ADGRF3: variants seen among roughly 807,000 people sequenced by gnomAD.
ADGRF3 encodes the protein adhesion G protein-coupled receptor F3.
ADGRF3 carries 85 observed loss-of-function variants against 93.2 expected under a neutral mutation model. The ratio of observed to expected loss-of-function variants is 0.91; its 90% CI spans 0.77 to 1.09. The LOEUF (loss-of-function observed/expected upper bound fraction) is 1.09. Ranked by LOEUF, ADGRF3 falls within the 50% of genes least tolerant of loss-of-function variation. The pLI, the probability that ADGRF3 is intolerant of heterozygous loss-of-function variation, is 0.00. For synonymous variants in ADGRF3, 534 were observed against 532.5 expected (o/e 1.00, Z -0.04); for missense variants, 1,125 against 1,246.2 (o/e 0.90, Z 1.46).
rs144749880 is a variant in ADGRF3, at chr2:26,336,587, G to A, written c.114+9534C>T. 6.7e-3 allele frequency among the ~76,000 whole-genome samples: 1,024 copies of A among 151,952 alleles called. 15 individuals carry two copies. Among genetic ancestry groups the A allele is most frequent in the African/African-American group, 0.023 (955 of 41,424 alleles). On this transcript the variant is annotated intron_variant, in intron 1 of 13. Coordinates refer to ENST00000651242, the MANE Select transcript of ADGRF3 (RefSeq NM_001321971.2). ...CTAAAAATACAAAAATTAGCTGGGC[G>A]TGGTGGCAAGTGCCTGTAGTCCCAG...
Position 26,311,808 on chromosome 2 carries a change from G to T in ADGRF3, c.1716C>A (p.His572Gln), listed in dbSNP as rs759945209. 1.2e-6 allele frequency: 2 copies of T among 1,613,804 alleles called. No individual in the cohort carries two copies. Among genetic ancestry groups the T allele is most frequent in the African/African-American group, 2.7e-5 (2 of 74,938 alleles). Residue 572 changes from histidine to glutamine, a missense_variant, in exon 10 of 14, where the codon CAC becomes CAA. His to Gln is a conservative substitution (Grantham distance 24). Coordinates refer to ENST00000651242, the MANE Select transcript of ADGRF3 (RefSeq NM_001321971.2). Reference sequence around the variant, plus strand: ...CATTACGGACCAATGGGGCCAGTGAGTGCCTGGGAATCTGAGCCTGCAGTG... The same window carrying T: ...CATTACGGACCAATGGGGCCAGTGATTGCCTGGGAATCTGAGCCTGCAGTG... The part of the protein sequence containing the change: ...RPPLQAQIPR[H>Q]SLAPLVRNGT...
At position 26,341,470 on chromosome 2, in the gene ADGRF3, G is replaced by A. The variant is rs72852713; in HGVS notation, c.114+4651C>T. 7.4e-3 allele frequency among the ~76,000 whole-genome samples: 1,123 copies of A among 152,172 alleles called. 14 individuals are homozygous for A. The highest frequency in any genetic ancestry group is 0.025 in the African/African-American group (1,056 of 41,518). On this transcript the variant is annotated intron_variant, in intron 1 of 13. Coordinates refer to ENST00000651242, the MANE Select transcript of ADGRF3 (RefSeq NM_001321971.2). ...TCCCCCAGCAACATAGGAAGTAGGA[G>A]GTATTAGCTTACGCTGAATCTCATT...
intron 10 of ADGRF3, 23 bp downstream of exon 10, chr2:26,310,669 A>T (rs144189516): frequency 1.4e-5 from 22 of 1,596,042 alleles, no homozygotes; most frequent in Middle Eastern, 3.3e-4. Context: ...AGCAAAAAAC[A>T]CAGCCACCCC....
Position 26,338,997 on chromosome 2 carries a change from G to A in ADGRF3, c.114+7124C>T, listed in dbSNP as rs61408866. On this transcript the variant is annotated intron_variant, in intron 1 of 13. Transcript: ENST00000651242. ...CTAAAAATACAAAAATTGGTGGTGT[G>A]CACCTGTAGTCACAGGCTGAAGCAG... Among the ~76,000 whole-genome samples, 751 of 151,012 alleles carry A rather than the reference G, an allele frequency of 5.0e-3. 8 individuals are homozygous for A. The highest frequency in any genetic ancestry group is 0.017 in the African/African-American group (704 of 41,152).
intron 1 of ADGRF3, among the ~76,000 whole-genome samples, chr2:26,325,532 T>C (rs749024732): frequency 5.3e-5 from 8 of 152,144 alleles, no homozygotes; most frequent in Non-Finnish European, 1.0e-4. Context: ...GCGTTTATAT[T>C]AAAGCTATGT....
intron 1 of ADGRF3, among the ~76,000 whole-genome samples, chr2:26,327,610 G>C (rs1230074690): frequency 2.7e-5 from 4 of 150,738 alleles, no homozygotes; most frequent in Non-Finnish European, 5.9e-5. Context: ...AGAAGTCCAA[G>C]GTTGAGGGGC....
At chr2:26,343,706 G>A (rs193068205) in intron 1 of ADGRF3, among the ~76,000 whole-genome samples, 2,098 of 152,360 alleles carry the variant, frequency 0.014, 21 homozygotes, top group Admixed American at 0.022. Flanking sequence ...GCCTTCCAAA[G>A]TGCTGGGATT....
At chr2:26,313,156 A>G (rs1249507203) in intron 8 of ADGRF3, 34 bp from the exon 9 acceptor site, 2 of 1,610,306 alleles carry the variant, frequency 1.2e-6, no homozygotes, top group African/African-American at 1.3e-5. Flanking sequence ...AGTGGGACAC[A>G]TGGTGGAATG....
intron 12 of ADGRF3, 76 bp from the exon 13 acceptor site, chr2:26,309,657 GTT>G: frequency 6.4e-7 from 1 of 1,554,448 alleles, no homozygotes. Context: ...GGTTGTATCT[GTT>G]TTACTTTCTC....
At chr2:26,309,248 A>T in intron 13 of ADGRF3, 141 bp from the exon 14 acceptor site, 1 of 1,589,962 alleles carries the variant, frequency 6.3e-7, no homozygotes. Flanking sequence ...TAATGTGAAA[A>T]GGAATTTTCA....
Position 26,310,769 on chromosome 2 carries a change from C to G in ADGRF3, c.2755G>C (p.Gly919Arg). Residue 919 changes from glycine to arginine, a missense_variant, in exon 10 of 14, where the codon GGG becomes CGG. Physicochemically the swap from Gly to Arg is moderately radical, Grantham distance 125 (BLOSUM62 -2). Coordinates refer to ENST00000651242, the MANE Select transcript of ADGRF3 (RefSeq NM_001321971.2). ...ILTPIFGLTWGLGLATLLEEV... is the reference protein window; with the variant it reads ...ILTPIFGLTWRLGLATLLEEV... ...TCTAACAGAGTGGCCAGGCCCAGCCCCCAGGTGAGGCCAAAGATGGGTGTA... is the reference window on the plus strand; with the variant it reads ...TCTAACAGAGTGGCCAGGCCCAGCCGCCAGGTGAGGCCAAAGATGGGTGTA... The G allele has an allele frequency of 1.2e-6, 2 of 1,613,568 alleles. No individual in the cohort carries two copies. The highest frequency in any genetic ancestry group is 2.2e-5 in the South Asian group (2 of 90,998).
intron 9 of ADGRF3, among the ~76,000 whole-genome samples, chr2:26,312,720 C>T (rs1674290189): frequency 6.6e-6 from 1 of 152,250 alleles, no homozygotes; most frequent in Non-Finnish European, 1.5e-5. Context: ...CACACCCTTG[C>T]CTGCCTCCAA....
intron 10 of ADGRF3, 140 bp from the exon 11 acceptor site, chr2:26,310,377 T>A: frequency 1.1e-6 from 1 of 924,274 alleles, no homozygotes; most frequent in South Asian, 1.7e-5. Flanking sequence ...GTGCATAGGA[T>A]CCATTTCAGG....
At chr2:26,317,781 A>G (rs1674831463) in intron 1 of ADGRF3, among the ~76,000 whole-genome samples, 1 of 152,218 alleles carries the variant, frequency 6.6e-6, no homozygotes. Flanking sequence ...GGAACCAGGC[A>G]CGCCCTGGGA....
Position 26,311,981 on chromosome 2 carries a change from G to A in ADGRF3, c.1543C>T (p.Leu515Phe). The A allele has an allele frequency of 1.2e-6, 2 of 1,613,596 alleles. No individual in the cohort carries two copies. Among genetic ancestry groups the A allele is most frequent in the Non-Finnish European group, 1.7e-6 (2 of 1,179,882 alleles). The change falls in exon 10 of 14, where the codon CTC becomes TTC. Residue 515 changes from leucine (L) to phenylalanine (F), a missense_variant. Coordinates refer to ENST00000651242, the MANE Select transcript of ADGRF3 (RefSeq NM_001321971.2). ...GCCAGGGTCTCCACAGCCAGCAGGA[G>A]AGTCGAGCCTGCCCAGGGCTTCCGG... ...QARKPWAGST[L>F]LLAVETLACS...
chr2:26,318,484 A>G (rs1462789789), intron 1 of ADGRF3, among the ~76,000 whole-genome samples: 1 of 152,122 alleles, frequency 6.6e-6, no homozygotes, highest in African/African-American at 2.4e-5. Context: ...TATTTACATA[A>G]AGATAGATTT....
chr2:26,329,913 T>C (rs1435164277), intron 1 of ADGRF3, among the ~76,000 whole-genome samples: 1 of 152,252 alleles, frequency 6.6e-6, no homozygotes, highest in African/African-American at 2.4e-5. Flanking sequence ...CATCTCAGCA[T>C]TGGTAAATGT....
rs1227319536 is a variant in ADGRF3, at chr2:26,313,050, C to T, written c.1342G>A (p.Ala448Thr). The T allele has an allele frequency of 3.7e-6, 6 of 1,613,922 alleles. No individual in the cohort carries two copies. The African/African-American group carries it at 5.3e-5, about 14-fold the overall frequency. Residue 448 changes from alanine to threonine, a missense_variant, in exon 9 of 14, where the codon GCA (alanine) becomes ACA (threonine). Coordinates refer to ENST00000651242, the MANE Select transcript of ADGRF3 (RefSeq NM_001321971.2). ...QILAQLPGQA[A>T]EASSPSDLLT... Reference sequence around the variant, plus strand: ...AAGTCGGAGGGTGAACTTGCCTCTGCCGCCTGCCCTGGCAGCTGTGCCAGG... The same window carrying T: ...AAGTCGGAGGGTGAACTTGCCTCTGTCGCCTGCCCTGGCAGCTGTGCCAGG...
At chr2:26,319,546 T>TCTCC (rs746092843) in intron 1 of ADGRF3, among the ~76,000 whole-genome samples, 4,507 of 58,998 alleles carry the variant, frequency 0.076, 168 homozygotes, top group Middle Eastern at 0.14. Context: ...CCCTTCTTTC[T>TCTCC]CTCCCTCCCT....
Sources: gnomAD v4.1 joint callset for allele counts (sites outside exome capture counted in the v4.1 genomes callset) on GRCh38, gnomAD v4.1.1 for gene constraint, MANE v1.5 for transcripts, NCBI Gene and HGNC (gene_info 2026-07-23, HGNC 2026-07-21) for gene names.